The following RAB7A variants were observed in gnomAD, a reference collection of about 807,000 sequenced individuals.
RAB7A encodes the protein RAB7A, member RAS oncogene family.
RAB7A carries 2 observed loss-of-function variants against 24.5 expected under a neutral mutation model. That is an observed-to-expected ratio of 0.08 (90% CI 0.03 to 0.26). The LOEUF is 0.26. Among genes scored for constraint, RAB7A ranks in the 10% least tolerant of loss-of-function variants. The pLI is 1.00. For synonymous variants in RAB7A, 100 were observed against 95.9 expected (o/e 1.04, Z -0.25); for missense variants, 118 against 255.7 (o/e 0.46, Z 3.67).
At chr3:128,748,742 G>A (rs181086718) in intron 1 of RAB7A, 1 of 152,186 alleles carries the variant, frequency 6.6e-6, no homozygotes, top group African/African-American at 2.4e-5. Flanking sequence ...CTAGCCTATT[G>A]TGTTCCTCTT....
chr3:128,811,132 CTT>C (rs1209177395), intron 5 of RAB7A, among the ~76,000 whole-genome samples: 1 of 145,092 alleles, frequency 6.9e-6, no homozygotes. Context: ...TTGATTGATT[CTT>C]TTTTTTTTTA....
chr3:128,738,289 C>T (rs1576268874), intron 1 of RAB7A, among the ~76,000 whole-genome samples: 1 of 152,128 alleles, frequency 6.6e-6, no homozygotes, highest in Non-Finnish European at 1.5e-5. Flanking sequence ...ACCCTGGCTT[C>T]CCAAGGTGCT....
chr3:128,727,694 C>G (rs997235187), intron 1 of RAB7A, among the ~76,000 whole-genome samples: 1 of 152,176 alleles, frequency 6.6e-6, no homozygotes, highest in Admixed American at 6.5e-5. Flanking sequence ...CTGGTTCTTC[C>G]CTATTCAAAA....
chr3:128,772,630 T>A (rs1409254883), intron 1 of RAB7A, among the ~76,000 whole-genome samples: 1 of 152,244 alleles, frequency 6.6e-6, no homozygotes, highest in African/African-American at 2.4e-5. Context: ...AGCTACAAAA[T>A]GAACTTGTGC....
At chr3:128,732,717 G>C (rs190275338) in intron 1 of RAB7A, among the ~76,000 whole-genome samples, 1 of 152,256 alleles carries the variant, frequency 6.6e-6, no homozygotes, top group African/African-American at 2.4e-5. Flanking sequence ...GGTTCCAGAT[G>C]GTGGGAGGCT....
At chr3:128,783,581 G>A (rs2107606038) in intron 1 of RAB7A, among the ~76,000 whole-genome samples, 2 of 152,236 alleles carry the variant, frequency 1.3e-5, no homozygotes, top group Admixed American at 1.3e-4. Context: ...TCACCTGGCT[G>A]CTTTTATGTG....
intron 5 of RAB7A, among the ~76,000 whole-genome samples, chr3:128,808,441 C>T (rs555173374): frequency 1.9e-4 from 29 of 152,136 alleles, no homozygotes; most frequent in Non-Finnish European, 3.7e-4. Flanking sequence ...CCTGCTTTTG[C>T]AGGGTGATTA....
intron 1 of RAB7A, among the ~76,000 whole-genome samples, chr3:128,778,333 CT>C (rs1177201908): frequency 6.6e-6 from 1 of 152,184 alleles, no homozygotes; most frequent in Non-Finnish European, 1.5e-5. Context: ...TCTTTTACCC[CT>C]AAGCCTTTTT....
At chr3:128,784,949 T>C (rs1933305474) in intron 1 of RAB7A, among the ~76,000 whole-genome samples, 1 of 138,328 alleles carries the variant, frequency 7.2e-6, no homozygotes, top group South Asian at 2.8e-4. Flanking sequence ...TGGCATGATT[T>C]TTTTTTTTTT....
chr3:128,805,152 G>C (rs1229383942), intron 3 of RAB7A, among the ~76,000 whole-genome samples: 1 of 151,910 alleles, frequency 6.6e-6, no homozygotes, highest in Non-Finnish European at 1.5e-5. Flanking sequence ...TTTGAGAATG[G>C]GGTCACTTCT....
intron 1 of RAB7A, among the ~76,000 whole-genome samples, chr3:128,758,769 A>G (rs1346242742): frequency 6.6e-6 from 1 of 151,910 alleles, no homozygotes; most frequent in Non-Finnish European, 1.5e-5. Context: ...TGTGGACAGA[A>G]CTCTTGAGGG....
At position 128,762,964 on chromosome 3, in the gene RAB7A, A is replaced by ACTT. The variant is rs2070786887; in HGVS notation, c.-8-32394_-8-32392dup. ...TACAAAGTAAATTAGACCTCATGAT[A>ACTT]CTTCACCTGTAAATGCTCTCAAGTC... On this transcript the variant is annotated intron_variant, in intron 1 of 5. Transcript: ENST00000265062. Among the ~76,000 whole-genome samples the ACTT allele has an allele frequency of 3.3e-5, 5 of 152,012 alleles. No homozygotes were observed. In the South Asian group the frequency reaches 1.0e-3, roughly 31 times the overall value.
chr3:128,792,682 A>G (rs1411248020), intron 1 of RAB7A, among the ~76,000 whole-genome samples: 1 of 151,894 alleles, frequency 6.6e-6, no homozygotes, highest in Admixed American at 6.6e-5. Flanking sequence ...TGCTGGCATT[A>G]CAGGTGTGAG....
At chr3:128,790,591 T>C (rs1933435085) in intron 1 of RAB7A, among the ~76,000 whole-genome samples, 2 of 152,254 alleles carry the variant, frequency 1.3e-5, no homozygotes, top group Admixed American at 1.3e-4. Flanking sequence ...TGTAGAGATC[T>C]TAATTCTCAC....
chr3:128,771,295 T>C (rs1376112497), intron 1 of RAB7A, among the ~76,000 whole-genome samples: 1 of 152,226 alleles, frequency 6.6e-6, no homozygotes, highest in African/African-American at 2.4e-5. Context: ...CTATAATTGG[T>C]AGAAAATTTC....
In RAB7A at chr3:128,807,359, T is replaced by C. The variant is rs367919444; in HGVS notation, c.400-184T>C. On this transcript the variant is annotated intron_variant, in intron 4 of 5. Transcript: ENST00000265062. Reference sequence around the variant, plus strand: ...CTCTCTAGCTGAATCCTAGCTATCCTGAGCATAGCTAGCAGGACAAGTTTG... The same window carrying C: ...CTCTCTAGCTGAATCCTAGCTATCCCGAGCATAGCTAGCAGGACAAGTTTG... 1.1e-4 allele frequency among the ~76,000 whole-genome samples: 16 copies of C among 152,316 alleles called. 1 individual carries two copies. Among genetic ancestry groups the C allele is most frequent in the Admixed American group, 3.3e-4 (5 of 15,302 alleles).
chr3:128,792,325 T>C (rs978098717), intron 1 of RAB7A, among the ~76,000 whole-genome samples: 4 of 152,206 alleles, frequency 2.6e-5, no homozygotes, highest in African/African-American at 7.2e-5. Context: ...GCAAATCCCT[T>C]TTCCCATTCT....
chr3:128,764,716 A>G (rs1351578150), intron 1 of RAB7A: 1 of 801,274 alleles, frequency 1.2e-6, no homozygotes. Context: ...TGCACACTCC[A>G]TTGCATTCAG....
At chr3:128,778,832 GTT>G (rs1933151423) in intron 1 of RAB7A, among the ~76,000 whole-genome samples, 1 of 152,182 alleles carries the variant, frequency 6.6e-6, no homozygotes, top group South Asian at 2.1e-4. Flanking sequence ...GAGATGTACA[GTT>G]TTGGTGATCG....
Sources: gnomAD v4.1 joint callset for allele counts (sites outside exome capture counted in the v4.1 genomes callset) on GRCh38, gnomAD v4.1.1 for gene constraint, MANE v1.5 for transcripts, NCBI Gene and HGNC (gene_info 2026-07-23, HGNC 2026-07-21) for gene names.